Variants in FHIT observed in about 807,000 individuals in gnomAD.
The protein encoded by FHIT is fragile histidine triad diadenosine triphosphatase, also known as bis(5'-adenosyl)-triphosphatase.
Under a neutral mutation model 17.9 loss-of-function variants are expected in FHIT, and 19 were observed. The observed-to-expected ratio is 1.06, with a 90% CI of 0.74 to 1.56. The LOEUF is 1.56. Among genes scored for constraint, FHIT ranks in the 40% most tolerant of loss-of-function variants. The pLI, the probability that FHIT is intolerant of heterozygous loss-of-function variation, is 0.00. For missense variants in FHIT, 248 were observed against 189.2 expected (o/e 1.31, Z -1.82); for synonymous variants, 81 against 69.7 (o/e 1.16, Z -0.81).
At chr3:59,876,770 C>T (rs533023729) in intron 8 of FHIT, among the ~76,000 whole-genome samples, 1 of 152,332 alleles carries the variant, frequency 6.6e-6, no homozygotes, top group South Asian at 2.1e-4. Flanking sequence ...TCTGTTCCCC[C>T]TTCTTACCTC....
intron 3 of FHIT, among the ~76,000 whole-genome samples, chr3:60,992,402 T>G (rs1341726879): frequency 6.6e-6 from 1 of 152,164 alleles, no homozygotes; most frequent in East Asian, 1.9e-4. Context: ...TATACCTTAA[T>G]TTAAAAAAAT....
chr3:60,472,116 G>GTAAC (rs4021916), intron 5 of FHIT, among the ~76,000 whole-genome samples: 46,930 of 150,148 alleles, frequency 0.31, 7,909 homozygotes, highest in East Asian at 0.54. Flanking sequence ...ATATATCCAC[G>GTAAC]TAACGTAACT....
chr3:60,690,900 T>C (rs2040971890), intron 4 of FHIT, among the ~76,000 whole-genome samples: 1 of 152,202 alleles, frequency 6.6e-6, no homozygotes, highest in African/African-American at 2.4e-5. Context: ...GTCCTAACTG[T>C]TCTAAGCAGT....
chr3:59,768,573 A>G (rs1307406927), intron 8 of FHIT, among the ~76,000 whole-genome samples: 2 of 152,222 alleles, frequency 1.3e-5, no homozygotes, highest in African/African-American at 4.8e-5. Context: ...TCCTGGGGGC[A>G]AAATCATGTC....
intron 4 of FHIT, among the ~76,000 whole-genome samples, chr3:60,555,857 T>A (rs1455215039): frequency 6.6e-6 from 1 of 152,224 alleles, no homozygotes; most frequent in Non-Finnish European, 1.5e-5. Context: ...GGGACATTTC[T>A]GTCTGCAGGC....
chr3:60,549,858 G>A (rs1033569676), intron 4 of FHIT, among the ~76,000 whole-genome samples: 3 of 152,038 alleles, frequency 2.0e-5, no homozygotes, highest in Non-Finnish European at 4.4e-5. Context: ...ATTTCATTAT[G>A]GCCAGGAATA....
At chr3:60,173,844 T>A (rs1701525284) in intron 5 of FHIT, among the ~76,000 whole-genome samples, 2 of 138,400 alleles carry the variant, frequency 1.4e-5, no homozygotes, top group South Asian at 4.7e-4. Context: ...CTAAAATATT[T>A]TCAGGATCAA....
chr3:60,295,744 G>C (rs1051337995), intron 5 of FHIT, among the ~76,000 whole-genome samples: 1 of 152,132 alleles, frequency 6.6e-6, no homozygotes, highest in African/African-American at 2.4e-5. Context: ...AAGCGTGACT[G>C]TATCATTTTA....
chr3:61,088,880 C>A (rs960908941), intron 2 of FHIT, among the ~76,000 whole-genome samples: 15 of 151,970 alleles, frequency 9.9e-5, no homozygotes, highest in East Asian at 3.9e-4. Context: ...CTGGAAAAAA[C>A]CGAAATAAGT....
chr3:60,065,183 T>G (rs141625943), intron 5 of FHIT, among the ~76,000 whole-genome samples: 1 of 152,270 alleles, frequency 6.6e-6, no homozygotes, highest in East Asian at 1.9e-4. Context: ...AATATGCGTA[T>G]TACACATACA....
chr3:60,254,949 ATTCT>A (rs1705913812), intron 5 of FHIT, among the ~76,000 whole-genome samples: 1 of 152,210 alleles, frequency 6.6e-6, no homozygotes, highest in Non-Finnish European at 1.5e-5. Context: ...TAAATTAGAT[ATTCT>A]TTAAGAAATC....
intron 8 of FHIT, among the ~76,000 whole-genome samples, chr3:59,887,264 A>G (rs1354800093): frequency 2.6e-5 from 4 of 152,164 alleles, no homozygotes; most frequent in African/African-American, 9.7e-5. Context: ...GTAGCAGTGG[A>G]ATCTTTCCCA....
At chr3:59,894,009 A>G (rs921568383) in intron 8 of FHIT, among the ~76,000 whole-genome samples, 1 of 152,156 alleles carries the variant, frequency 6.6e-6, no homozygotes, top group African/African-American at 2.4e-5. Flanking sequence ...TCATGCCTGT[A>G]AAATACCAGC....
At chr3:60,203,549 CA>C (rs1350548082) in intron 5 of FHIT, among the ~76,000 whole-genome samples, 1 of 152,004 alleles carries the variant, frequency 6.6e-6, no homozygotes, top group Non-Finnish European at 1.5e-5. Context: ...ATAGTTTTGA[CA>C]AAAAAGATTT....
In FHIT at chr3:60,738,444, C is replaced by T. The variant is rs114842626; in HGVS notation, c.-18+83475G>A. ...GGGACTTTCTGCAGCCTAAACAAGC[C>T]GTCTTAGATCACTGCCCTTTCCATC... On this transcript the variant is annotated intron_variant, in intron 4 of 9. Coordinates refer to ENST00000492590, the MANE Select transcript of FHIT (RefSeq NM_002012.4). 5.1e-3 allele frequency among the ~76,000 whole-genome samples: 779 copies of T among 152,258 alleles called. 8 individuals are homozygous for T. Among genetic ancestry groups the T allele is most frequent in the African/African-American group, 0.018 (735 of 41,552 alleles).
At chr3:60,421,206 G>A (rs908725672) in intron 5 of FHIT, among the ~76,000 whole-genome samples, 1 of 151,938 alleles carries the variant, frequency 6.6e-6, no homozygotes, top group African/African-American at 2.4e-5. Flanking sequence ...GACTTCTGCT[G>A]CTTTAACTCC....
Position 60,552,745 on chromosome 3 carries a change from C to G in FHIT, c.-17-15766G>C, listed in dbSNP as rs75813937. On this transcript the variant is annotated intron_variant, in intron 4 of 9. Coordinates refer to ENST00000492590, the MANE Select transcript of FHIT (RefSeq NM_002012.4). ...TGTTACTTGGTGCCCCCAGCACTCT[C>G]AATGACATCTGCTTTGTAGCTGACT... Among the ~76,000 whole-genome samples the G allele has an allele frequency of 1.2e-3, 185 of 152,300 alleles. 2 individuals are homozygous for G. The East Asian group carries it at 0.029, about 23-fold the overall frequency.
At chr3:60,711,944 G>A (rs2041545727) in intron 4 of FHIT, among the ~76,000 whole-genome samples, 1 of 152,096 alleles carries the variant, frequency 6.6e-6, no homozygotes, top group Non-Finnish European at 1.5e-5. Flanking sequence ...TACTCCTCAA[G>A]AAGAGCAACT....
intron 1 of FHIT, among the ~76,000 whole-genome samples, chr3:61,209,558 TCATTC>T (rs1253672381): frequency 6.6e-6 from 1 of 151,796 alleles, no homozygotes; most frequent in African/African-American, 2.4e-5. Flanking sequence ...TCGCTTCATT[TCATTC>T]GTCTTCCATC....
Sources: gnomAD v4.1 joint callset for allele counts (sites outside exome capture counted in the v4.1 genomes callset) on GRCh38, gnomAD v4.1.1 for gene constraint, MANE v1.5 for transcripts, NCBI Gene and HGNC (gene_info 2026-07-23, HGNC 2026-07-21) for gene names.